The following TRMT2B variants were observed in gnomAD, a reference collection of about 807,000 sequenced individuals.
The protein encoded by TRMT2B is tRNA methyltransferase 2B, also known as tRNA (uracil-5-)-methyltransferase homolog B.
Under a neutral mutation model 39.7 loss-of-function variants are expected in TRMT2B, and 34 were observed. The observed-to-expected ratio is 0.86, with a 90% CI of 0.65 to 1.14. The LOEUF (loss-of-function observed/expected upper bound fraction) is 1.14, where lower values mean the gene tolerates loss of function less well. TRMT2B is among the 50% of genes most tolerant of loss of function. The probability of loss-of-function intolerance (pLI) is 0.00; values close to 1 mark genes in which losing one functional copy is unlikely to be tolerated. For missense variants in TRMT2B, 318 were observed against 377.2 expected, an observed-to-expected ratio of 0.84 and a Z score of 1.30; for synonymous variants, 132 against 137.3, an observed-to-expected ratio of 0.96 and a Z score of 0.27.
In TRMT2B at chrX:101,049,468, G is replaced by A. The variant is rs181721056; in HGVS notation, c.-24+1783C>T. ...TGATTGTGCCATTGCATTCCAGCCC[G>A]GGAGGGAGACCCTGTCTCCAAAAAA... On this transcript the variant is annotated intron_variant, in intron 2 of 13. Transcript: ENST00000372936. Among the ~76,000 whole-genome samples the A allele has an allele frequency of 1.9e-3, 182 of 96,354 alleles. 3 individuals are homozygous for A. The East Asian group carries it at 0.046, about 25-fold the overall frequency. The allele number at this position is 96,354 out of a possible 115,157, so 83.7% of individuals were successfully genotyped here. A position where few individuals can be genotyped will look rare whatever the true frequency, so the allele number is the denominator to read the frequency against.
At chrX:101,025,644 T>G (rs1175250444) in intron 7 of TRMT2B, among the ~76,000 whole-genome samples, 1 of 111,713 alleles carries the variant, frequency 9.0e-6, no homozygotes, top group African/African-American at 3.3e-5. Flanking sequence ...GTTTTCAAAT[T>G]TTAAGGTTGG....
In TRMT2B at chrX:101,020,482, T is replaced by C; in HGVS notation, c.1168+5A>G. On this transcript the variant is annotated splice_donor_5th_base_variant and intron_variant, in intron 11 of 13. Coordinates refer to ENST00000372936, the MANE Select transcript of TRMT2B (RefSeq NM_024917.6). ...TAATTTCTACACAGACTGTAAGCTG[T>C]GTACCATTGAAGGCTGCAGTCCATC... 8.4e-7 allele frequency: 1 copy of C among 1,183,908 alleles called. No homozygotes were observed. The highest frequency in any genetic ancestry group is 3.0e-5 in the East Asian group (1 of 33,732).
At chrX:100,984,069 CA>C in the TRMT2B span, among the ~76,000 whole-genome samples, 1 of 109,731 alleles carries the variant, frequency 9.1e-6, no homozygotes, top group African/African-American at 3.3e-5. Flanking sequence ...GACTGGAACG[CA>C]TATAAAGGCT....
the TRMT2B span, among the ~76,000 whole-genome samples, chrX:100,978,068 T>C: frequency 8.9e-6 from 1 of 112,364 alleles, no homozygotes; most frequent in South Asian, 3.7e-4. Context: ...GTTTAGTTTT[T>C]TGAGGAACTT....
intron 13 of TRMT2B, among the ~76,000 whole-genome samples, chrX:101,015,114 G>A (rs1233388469): frequency 8.9e-6 from 1 of 111,860 alleles, no homozygotes; most frequent in Non-Finnish European, 1.9e-5. Context: ...GCAGTGTAGT[G>A]TTTCATTGAA....
intron 7 of TRMT2B, among the ~76,000 whole-genome samples, chrX:101,033,113 G>T (rs1230675410): frequency 9.3e-6 from 1 of 107,139 alleles, no homozygotes; most frequent in African/African-American, 3.4e-5. Context: ...AAAATTAGCT[G>T]GGAGTGGTGG....
At chrX:101,037,129 A>G in intron 5 of TRMT2B, 56 bp from the exon 6 acceptor site, 2 of 927,590 alleles carry the variant, frequency 2.2e-6, no homozygotes, top group Non-Finnish European at 3.1e-6. Context: ...ACCAAGGAAG[A>G]TAACAATAAA....
chrX:101,021,879 C>G (rs905188348), intron 9 of TRMT2B, 89 bp downstream of exon 9: 4 of 675,012 alleles, frequency 5.9e-6, no homozygotes, highest in Non-Finnish European at 9.6e-6. Context: ...TAGCCAATAT[C>G]CTCCACCATC....
intron 7 of TRMT2B, among the ~76,000 whole-genome samples, chrX:101,025,021 G>GT (rs1237708064): frequency 1.8e-5 from 2 of 109,976 alleles, no homozygotes; most frequent in Non-Finnish European, 3.8e-5. Flanking sequence ...TCCCTGCCCT[G>GT]TAACTTTACA....
intron 7 of TRMT2B, among the ~76,000 whole-genome samples, chrX:101,026,019 GAGA>G (rs1281340209): frequency 3.2e-5 from 3 of 93,986 alleles, no homozygotes; most frequent in African/African-American, 1.1e-4. Context: ...CAGAAAGAGA[GAGA>G]AGGACAGAAG....
chrX:101,005,503 T>C (rs1325700138), downstream of TRMT2B, among the ~76,000 whole-genome samples: 1 of 110,087 alleles, frequency 9.1e-6, no homozygotes. Context: ...TATAAAGCAG[T>C]GCTACCCTGC....
chrX:101,051,661 G>C lies in TRMT2B; in HGVS notation c.-434C>G, dbSNP rs1248140709. 9 of 755,045 alleles carry C rather than the reference G, an allele frequency of 1.2e-5. No individual in the cohort carries two copies. Among genetic ancestry groups the C allele is most frequent in the Non-Finnish European group, 1.4e-5 (9 of 639,613 alleles). 62.2% of individuals were successfully genotyped at this position (755,045 alleles called of 1,213,427 possible). A position where few individuals can be genotyped will look rare whatever the true frequency, so the allele number is the denominator to read the frequency against. ...TACACGACCTTGCGCAGTCACCGTC[G>C]GGTCCCGTCTCCAGCCCCGCCTGCC... On this transcript the variant is annotated 5_prime_UTR_variant, in exon 2 of 14. Transcript: ENST00000372936.
At chrX:101,020,404 A>C in intron 11 of TRMT2B, 83 bp downstream of exon 11, 2 of 786,003 alleles carry the variant, frequency 2.5e-6, no homozygotes, top group Non-Finnish European at 3.9e-6. Context: ...GGGATACAGT[A>C]GTTGCCTTTT....
At chrX:100,974,374 C>T in the TRMT2B span, among the ~76,000 whole-genome samples, 1 of 109,881 alleles carries the variant, frequency 9.1e-6, no homozygotes, top group Admixed American at 9.7e-5. Context: ...CTGTCTCTCT[C>T]TCTCTCTCTC....
intron 7 of TRMT2B, among the ~76,000 whole-genome samples, chrX:101,028,410 C>T (rs1195086569): frequency 9.0e-6 from 1 of 111,155 alleles, no homozygotes; most frequent in Non-Finnish European, 1.9e-5. Context: ...TGAGCCACTG[C>T]GCCCAGCCAC....
At chrX:101,000,327 G>A in the TRMT2B span, among the ~76,000 whole-genome samples, 4 of 109,882 alleles carry the variant, frequency 3.6e-5, no homozygotes, top group Non-Finnish European at 7.6e-5. Context: ...TCACCATGTT[G>A]GCCAGGCTGG....
At chrX:101,034,011 T>C (rs1456879662) in intron 7 of TRMT2B, among the ~76,000 whole-genome samples, 1 of 110,448 alleles carries the variant, frequency 9.1e-6, no homozygotes, top group African/African-American at 3.3e-5. Context: ...TCCAGCTAAT[T>C]TTGTATTTTT....
chrX:101,010,853 T>C, intron 13 of TRMT2B, 146 bp from the exon 14 acceptor site: 1 of 517,667 alleles, frequency 1.9e-6, no homozygotes, highest in South Asian at 5.9e-5. Context: ...TTTAATATAA[T>C]CGTTTTTCTT....
chrX:101,001,824 CAAAAAAAA>C, the TRMT2B span, among the ~76,000 whole-genome samples: 11 of 59,941 alleles, frequency 1.8e-4, no homozygotes, highest in East Asian at 1.8e-3. Flanking sequence ...AAGTGATATT[CAAAAAAAA>C]AAAAAAAAAA....
Sources: gnomAD v4.1 joint callset for allele counts (sites outside exome capture counted in the v4.1 genomes callset) on GRCh38, gnomAD v4.1.1 for gene constraint, MANE v1.5 for transcripts, NCBI Gene and HGNC (gene_info 2026-07-23, HGNC 2026-07-21) for gene names.